The following ADGRL2 variants were observed in gnomAD, a reference collection of about 807,000 sequenced individuals.
The protein encoded by ADGRL2 is calcium-independent alpha-latrotoxin receptor 2.
In ADGRL2, 44 loss-of-function variants were observed where a neutral mutation model predicts 157.4. That is an observed-to-expected ratio of 0.28 (90% CI 0.22 to 0.36). The LOEUF (loss-of-function observed/expected upper bound fraction) is 0.36. ADGRL2 is among the 10% of genes least tolerant of loss of function. The pLI, the probability that ADGRL2 is intolerant of heterozygous loss-of-function variation, is 1.00. For missense variants in ADGRL2, 1,510 were observed against 1,768.9 expected (o/e 0.85, Z 2.63); for synonymous variants, 585 against 624.7 (o/e 0.94, Z 0.95).
intron 2 of ADGRL2, among the ~76,000 whole-genome samples, chr1:81,572,577 C>T (rs898831231): frequency 6.6e-6 from 1 of 152,114 alleles, no homozygotes; most frequent in African/African-American, 2.4e-5. Flanking sequence ...AAAGACAATA[C>T]CTACTGTGCA....
intron 3 of ADGRL2, among the ~76,000 whole-genome samples, chr1:81,687,660 G>A (rs1482677948): frequency 6.6e-6 from 1 of 152,138 alleles, no homozygotes; most frequent in African/African-American, 2.4e-5. Context: ...GAAATGTGAG[G>A]TATTGTTACA....
chr1:81,503,163 C>T (rs2078892908), intron 2 of ADGRL2: 1 of 1,614,208 alleles, frequency 6.2e-7, no homozygotes. Context: ...ACTTTTTCAG[C>T]ATGGCACGGC....
intron 1 of ADGRL2, among the ~76,000 whole-genome samples, chr1:81,719,590 C>T (rs940977067): frequency 6.6e-6 from 1 of 152,140 alleles, no homozygotes; most frequent in African/African-American, 2.4e-5. Context: ...CCCAAGCCCC[C>T]TTCCCAACCT....
At chr1:81,448,943 TAC>T (rs1399687571) in intron 2 of ADGRL2, among the ~76,000 whole-genome samples, 1 of 152,194 alleles carries the variant, frequency 6.6e-6, no homozygotes, top group Non-Finnish European at 1.5e-5. Flanking sequence ...CCCTATACTT[TAC>T]AGTTTATTTA....
At chr1:81,504,205 A>T (rs903948105) in intron 2 of ADGRL2, among the ~76,000 whole-genome samples, 4 of 151,566 alleles carry the variant, frequency 2.6e-5, no homozygotes, top group African/African-American at 9.7e-5. Context: ...GCCCCCCCAA[A>T]CCTCATGCTC....
intron 1 of ADGRL2, among the ~76,000 whole-genome samples, chr1:81,322,126 A>G (rs1368628992): frequency 1.0e-5 from 1 of 98,426 alleles, no homozygotes; most frequent in East Asian, 3.0e-4. Context: ...ATATATATAC[A>G]CACACACACG....
chr1:81,584,480 T>G (rs1305792961), intron 3 of ADGRL2, among the ~76,000 whole-genome samples: 1 of 152,132 alleles, frequency 6.6e-6, no homozygotes, highest in Admixed American at 6.6e-5. Flanking sequence ...TGCAGCTGTA[T>G]TTTGTTGGAT....
At chr1:81,513,813 A>G (rs912310161) in intron 2 of ADGRL2, 1 of 152,250 alleles carries the variant, frequency 6.6e-6, no homozygotes. Context: ...TCTAAAATAC[A>G]GCTGCATATC....
At chr1:81,729,997 G>A (rs146579144) in intron 1 of ADGRL2, among the ~76,000 whole-genome samples, 7 of 152,302 alleles carry the variant, frequency 4.6e-5, no homozygotes, top group African/African-American at 1.4e-4. Context: ...TCAGACCACT[G>A]TGATGAGCAT....
intron 2 of ADGRL2, among the ~76,000 whole-genome samples, chr1:81,477,108 C>G (rs2078288217): frequency 6.6e-6 from 1 of 152,150 alleles, no homozygotes; most frequent in Non-Finnish European, 1.5e-5. Flanking sequence ...ACTAACCCAC[C>G]CTGGAACCAA....
At chr1:81,716,680 A>T (rs956582207) in intron 1 of ADGRL2, among the ~76,000 whole-genome samples, 6 of 152,172 alleles carry the variant, frequency 3.9e-5, no homozygotes, top group Non-Finnish European at 8.8e-5. Context: ...CAAAATCAGT[A>T]TCTAAGAACT....
At chr1:81,655,703 C>T (rs951485993) in intron 3 of ADGRL2, among the ~76,000 whole-genome samples, 6 of 152,114 alleles carry the variant, frequency 3.9e-5, no homozygotes, top group Non-Finnish European at 8.8e-5. Context: ...CTACCCATTC[C>T]TATGAGAGGC....
At chr1:81,699,871 A>G (rs1245536540) in intron 1 of ADGRL2, 2 of 152,038 alleles carry the variant, frequency 1.3e-5, no homozygotes, top group Non-Finnish European at 2.9e-5. Context: ...ATCCCCTACT[A>G]CTCCATCTTC....
intron 3 of ADGRL2, among the ~76,000 whole-genome samples, chr1:81,691,898 A>C (rs1018878450): frequency 6.9e-6 from 1 of 145,634 alleles, no homozygotes; most frequent in Admixed American, 7.0e-5. Flanking sequence ...ATATATATGT[A>C]TGTGTATATA....
chr1:81,514,450 CTTAA>C (rs1175278933), intron 2 of ADGRL2, among the ~76,000 whole-genome samples: 3 of 152,260 alleles, frequency 2.0e-5, no homozygotes, highest in African/African-American at 7.2e-5. Context: ...GAATTTGGTA[CTTAA>C]TTAAGTTTCC....
chr1:81,391,902 T>A (rs1356798094), intron 1 of ADGRL2, among the ~76,000 whole-genome samples: 1 of 152,210 alleles, frequency 6.6e-6, no homozygotes, highest in Non-Finnish European at 1.5e-5. Flanking sequence ...ATTTATTAAA[T>A]CCTTACCATT....
chr1:81,590,367 T>C (rs2081108272), intron 3 of ADGRL2, among the ~76,000 whole-genome samples: 1 of 152,108 alleles, frequency 6.6e-6, no homozygotes, highest in South Asian at 2.1e-4. Flanking sequence ...TAGTAACCAT[T>C]TCCATGGATA....
rs576822902 is a variant in ADGRL2, at chr1:81,613,402, G to T, written c.-143+32422G>T. 2.6e-5 allele frequency among the ~76,000 whole-genome samples: 4 copies of T among 152,288 alleles called. No individual in the cohort carries two copies. The South Asian group carries it at 8.3e-4, about 32-fold the overall frequency. ...GGATGTTTCTGTGCATGAAAGCCTG[G>T]GAAGGAGGTGAGGCCGTAACTGAAT... On this transcript the variant is annotated intron_variant, in intron 3 of 24. Coordinates refer to the ADGRL2 transcript ENST00000370721.
intron 2 of ADGRL2, among the ~76,000 whole-genome samples, chr1:81,571,361 T>TAA (rs35010343): frequency 2.7e-5 from 4 of 146,658 alleles, no homozygotes. Flanking sequence ...TATATATATA[T>TAA]AATATATATT....
Sources: gnomAD v4.1 joint callset for allele counts (sites outside exome capture counted in the v4.1 genomes callset) on GRCh38, gnomAD v4.1.1 for gene constraint, MANE v1.5 for transcripts, NCBI Gene and HGNC (gene_info 2026-07-23, HGNC 2026-07-21) for gene names.